FOXP2: variants seen among roughly 807,000 people sequenced by gnomAD.
The protein encoded by FOXP2 is forkhead box P2.
FOXP2 carries 12 observed loss-of-function variants against 115.8 expected under a neutral mutation model. The observed-to-expected ratio is 0.10, with a 90% confidence interval of 0.07 to 0.17. The LOEUF is 0.17. FOXP2 is among the 10% of genes least tolerant of loss of function. The pLI, the probability that FOXP2 is intolerant of heterozygous loss-of-function variation, is 1.00. For missense variants in FOXP2, 629 were observed against 843.5 expected (o/e 0.75, Z 3.15); for synonymous variants, 328 against 297.7 (o/e 1.10, Z -1.05).
At chr7:114,291,314 C>T (rs1796583107) in intron 2 of FOXP2, among the ~76,000 whole-genome samples, 1 of 152,068 alleles carries the variant, frequency 6.6e-6, no homozygotes, top group East Asian at 1.9e-4. Flanking sequence ...ATGAGGGCTC[C>T]ATCTTCATGG....
chr7:114,676,926 A>G (rs370345532), intron 16 of FOXP2, among the ~76,000 whole-genome samples: 1 of 152,152 alleles, frequency 6.6e-6, no homozygotes, highest in Admixed American at 6.5e-5. Flanking sequence ...TGTTAACAGC[A>G]TTTGTTGACA....
At chr7:114,253,543 G>A (rs547003816) in intron 1 of FOXP2, among the ~76,000 whole-genome samples, 1 of 152,268 alleles carries the variant, frequency 6.6e-6, no homozygotes, top group Non-Finnish European at 1.5e-5. Context: ...TTACCATTAT[G>A]TAATGGCCTC....
chr7:114,337,669 A>G (rs1043200384), intron 2 of FOXP2, among the ~76,000 whole-genome samples: 1 of 151,272 alleles, frequency 6.6e-6, no homozygotes, highest in Non-Finnish European at 1.5e-5. Flanking sequence ...TCCTGATGTC[A>G]TAATTATTGT....
At chr7:114,568,509 T>A (rs1251509059) in intron 3 of FOXP2, among the ~76,000 whole-genome samples, 1 of 151,700 alleles carries the variant, frequency 6.6e-6, no homozygotes, top group South Asian at 2.1e-4. Context: ...ATTTGGGAAA[T>A]ATTTGAGATA....
rs151260997 is a variant in FOXP2, at chr7:114,504,017, A to G, written c.169-30600A>G. On this transcript the variant is annotated intron_variant, in intron 2 of 16. Coordinates refer to ENST00000350908, the MANE Select transcript of FOXP2 (RefSeq NM_014491.4). ...ACAACTTATGGAAGTTCAAATGCCA[A>G]ATATGATGGCTAGGTAGTACATAAA... is the stretch of plus-strand genomic sequence containing the variant. Among the ~76,000 whole-genome samples the G allele has an allele frequency of 3.0e-3, 459 of 151,858 alleles. 11 individuals are homozygous for G. Among genetic ancestry groups the G allele is most frequent in the Admixed American group, 0.027 (416 of 15,204 alleles).
intron 5 of FOXP2, 126 bp from the exon 6 acceptor site, chr7:114,631,402 A>G: frequency 1.3e-6 from 2 of 1,491,400 alleles, no homozygotes; most frequent in Non-Finnish European, 1.8e-6. Flanking sequence ...CTGCCCCTGA[A>G]CTTTGACTAT....
chr7:114,129,713 T>C (rs1376243), intron 1 of FOXP2, among the ~76,000 whole-genome samples: 119,254 of 152,160 alleles, frequency 0.78, 48,838 homozygotes, highest in Non-Finnish European at 0.91. Context: ...CCGAACTTTA[T>C]AAATTAACCC....
At chr7:114,477,001 C>T (rs1460938578) in intron 2 of FOXP2, among the ~76,000 whole-genome samples, 1 of 151,940 alleles carries the variant, frequency 6.6e-6, no homozygotes, top group East Asian at 1.9e-4. Flanking sequence ...GTCAAAAGAA[C>T]AACAGATGCT....
chr7:114,593,743 A>G (rs1351808248), intron 3 of FOXP2, among the ~76,000 whole-genome samples: 10 of 152,046 alleles, frequency 6.6e-5, no homozygotes, highest in African/African-American at 9.7e-5. Flanking sequence ...CTATAGCACC[A>G]TATTTAATTA....
At chr7:114,114,086 A>T (rs955319166) in intron 1 of FOXP2, among the ~76,000 whole-genome samples, 1 of 151,934 alleles carries the variant, frequency 6.6e-6, no homozygotes, top group Non-Finnish European at 1.5e-5. Flanking sequence ...GAAGGAAAAC[A>T]TGATTCAGTA....
At chr7:114,202,581 C>T (rs903222599) in intron 1 of FOXP2, among the ~76,000 whole-genome samples, 3 of 152,140 alleles carry the variant, frequency 2.0e-5, no homozygotes, top group Non-Finnish European at 4.4e-5. Flanking sequence ...TAAAATGAGG[C>T]ACCTTCTTTC....
At chr7:114,317,646 TAA>T (rs755209022) in intron 2 of FOXP2, among the ~76,000 whole-genome samples, 42 of 152,134 alleles carry the variant, frequency 2.8e-4, no homozygotes, top group Non-Finnish European at 5.4e-4. Context: ...GCACAGCAGT[TAA>T]AGAGATTCTT....
intron 3 of FOXP2, among the ~76,000 whole-genome samples, chr7:114,623,458 T>C (rs941520474): frequency 6.6e-6 from 1 of 151,938 alleles, no homozygotes; most frequent in Admixed American, 6.6e-5. Flanking sequence ...AACAAGGGCA[T>C]GTCAAGGCCT....
At chr7:114,642,812 A>ATATATTTT (rs1308357594) in intron 7 of FOXP2, among the ~76,000 whole-genome samples, 189 bp downstream of exon 7, 2 of 72,436 alleles carry the variant, frequency 2.8e-5, no homozygotes, top group African/African-American at 1.4e-4. Flanking sequence ...ATATATATAT[A>ATATATTTT]TTTTTTTTTT....
chr7:114,176,165 G>T (rs1000688215), intron 1 of FOXP2, among the ~76,000 whole-genome samples: 1 of 149,264 alleles, frequency 6.7e-6, no homozygotes, highest in Non-Finnish European at 1.5e-5. Context: ...ATCCACACAG[G>T]TTTGATTTCT....
chr7:114,648,087 A>G (rs1001787724), intron 8 of FOXP2, among the ~76,000 whole-genome samples: 1 of 152,102 alleles, frequency 6.6e-6, no homozygotes, highest in African/African-American at 2.4e-5. Flanking sequence ...GAAACAGAGT[A>G]GTTTATTTAA....
intron 1 of FOXP2, among the ~76,000 whole-genome samples, chr7:114,219,071 C>T (rs976783857): frequency 2.6e-5 from 4 of 151,994 alleles, no homozygotes; most frequent in African/African-American, 9.7e-5. Flanking sequence ...CAACTGAACC[C>T]AAACAACTGA....
At chr7:114,324,853 T>C (rs1276751537) in intron 2 of FOXP2, among the ~76,000 whole-genome samples, 1 of 151,920 alleles carries the variant, frequency 6.6e-6, no homozygotes. Flanking sequence ...GGGATTTATA[T>C]GTTTTATTTT....
chr7:114,204,883 A>G (rs533234469), intron 1 of FOXP2, among the ~76,000 whole-genome samples: 2 of 151,342 alleles, frequency 1.3e-5, no homozygotes, highest in East Asian at 2.0e-4. Context: ...TATGTCTTGA[A>G]TAACTAAGAG....
Sources: allele counts gnomAD v4.1 joint callset (sites outside exome capture counted in the v4.1 genomes callset), GRCh38; gene constraint gnomAD v4.1.1; transcripts MANE v1.5; gene names NCBI Gene and HGNC (gene_info 2026-07-23, HGNC 2026-07-21).